The following TSPAN8 variants were observed in gnomAD, a reference collection of about 807,000 sequenced individuals.
The protein encoded by TSPAN8 is tetraspanin 8.
TSPAN8 carries 21 observed loss-of-function variants against 32.8 expected under a neutral mutation model. That is an observed-to-expected ratio of 0.64 (90% CI 0.45 to 0.92). The LOEUF (loss-of-function observed/expected upper bound fraction) is 0.92. TSPAN8 is among the 40% of genes least tolerant of loss of function. The probability of loss-of-function intolerance (pLI) is 0.00; values close to 1 mark genes in which losing one functional copy is unlikely to be tolerated. For synonymous variants in TSPAN8, 95 were observed against 94.6 expected, an observed-to-expected ratio of 1.00 and a Z score of -0.03; for missense variants, 269 against 281.9, an observed-to-expected ratio of 0.95 and a Z score of 0.33.
chr12:71,153,958 A>C (rs1046356756), intron 2 of TSPAN8, among the ~76,000 whole-genome samples: 1 of 152,166 alleles, frequency 6.6e-6, no homozygotes, highest in African/African-American at 2.4e-5. Context: ...AAACTACAGC[A>C]TCAGAAAGAC....
rs1565791740 is a variant in TSPAN8 at position 71,157,689 on chromosome 12, G to C, written c.-11C>G. 6.2e-7 allele frequency: 1 copy of C among 1,610,640 alleles called. No homozygotes were observed. The highest frequency in any genetic ancestry group is 1.7e-5 in the Admixed American group (1 of 60,002). ...ACTCACACCTGCCATTTCGGAAAAGGATTAGGAATCCAGATGCCGTGAATT... is the reference window on the plus strand; with the variant it reads ...ACTCACACCTGCCATTTCGGAAAAGCATTAGGAATCCAGATGCCGTGAATT... On this transcript the variant is annotated 5_prime_UTR_variant, in exon 2 of 9. In the 5' UTR this introduces an upstream ATG that the reference lacks. Transcript: ENST00000247829.
At position 71,157,669 on chromosome 12, in the gene TSPAN8, C is replaced by A; in HGVS notation, c.10G>T (p.Val4Leu). ...ATAGAATATTTTATACAGGCACTCA[C>A]ACCTGCCATTTCGGAAAAGGATTAG... MAGVSACIKYSMFT... is the reference protein window; with the variant it reads MAGLSACIKYSMFT... Residue 4 changes from valine to leucine, a missense_variant, in exon 2 of 9, where the codon GTG becomes TTG. Physicochemically the swap from Val to Leu is conservative, Grantham distance 32. Coordinates refer to ENST00000247829, the MANE Select transcript of TSPAN8 (RefSeq NM_004616.3). The A allele has an allele frequency of 1.2e-6, 2 of 1,613,572 alleles. No individual in the cohort carries two copies. The highest frequency in any genetic ancestry group is 1.7e-6 in the Non-Finnish European group (2 of 1,179,538).
At chr12:71,155,771 G>A (rs934597462) in intron 2 of TSPAN8, among the ~76,000 whole-genome samples, 1 of 150,528 alleles carries the variant, frequency 6.6e-6, no homozygotes, top group East Asian at 2.0e-4. Flanking sequence ...TCACTCTGTC[G>A]CCCAGGCTGG....
intron 3 of TSPAN8, among the ~76,000 whole-genome samples, chr12:71,143,505 G>A (rs1464613558): frequency 6.6e-6 from 1 of 152,190 alleles, no homozygotes; most frequent in African/African-American, 2.4e-5. Context: ...GGAATGGTGT[G>A]TGGGGGAGGA....
intron 7 of TSPAN8, among the ~76,000 whole-genome samples, chr12:71,130,561 G>C (rs1028499815): frequency 6.6e-6 from 1 of 152,086 alleles, no homozygotes; most frequent in Non-Finnish European, 1.5e-5. Context: ...TCCCTTTGAT[G>C]GTCATATATG....
intron 7 of TSPAN8, among the ~76,000 whole-genome samples, chr12:71,131,235 G>C (rs1871509785): frequency 6.6e-6 from 1 of 152,072 alleles, no homozygotes; most frequent in South Asian, 2.1e-4. Flanking sequence ...GAGGGGAGCA[G>C]GGAGAATATA....
At chr12:71,127,792 T>G (rs1033311916) in intron 8 of TSPAN8, among the ~76,000 whole-genome samples, 1 of 152,182 alleles carries the variant, frequency 6.6e-6, no homozygotes, top group Admixed American at 6.5e-5. Flanking sequence ...CAATCAAGTA[T>G]GTCCTTACTT....
At chr12:71,138,823 C>CT (rs1463266278) in intron 4 of TSPAN8, among the ~76,000 whole-genome samples, 4 of 152,134 alleles carry the variant, frequency 2.6e-5, no homozygotes, top group Non-Finnish European at 4.4e-5. Context: ...CTTTAAAACT[C>CT]TGTCTCTACC....
At chr12:71,154,354 A>AATCATC (rs1555196435) in intron 2 of TSPAN8, among the ~76,000 whole-genome samples, 48 of 145,348 alleles carry the variant, frequency 3.3e-4, no homozygotes, top group African/African-American at 1.2e-3. Context: ...TAATAATAAT[A>AATCATC]ATCAGAGCTC....
intron 8 of TSPAN8, among the ~76,000 whole-genome samples, chr12:71,128,658 A>T (rs546378855): frequency 2.1e-3 from 299 of 142,456 alleles, no homozygotes; most frequent in African/African-American, 3.1e-3. Context: ...TTTTTTTTAA[A>T]AAAAAAACAT....
At chr12:71,129,249 TG>T in intron 8 of TSPAN8, 81 bp downstream of exon 8, 1 of 1,363,784 alleles carries the variant, frequency 7.3e-7, no homozygotes, top group South Asian at 1.4e-5. Context: ...TTTTTCTGTT[TG>T]TTTGTTCACC....
chr12:71,138,256 A>T (rs764278051), intron 4 of TSPAN8, 26 bp from the exon 5 acceptor site: 2 of 1,607,410 alleles, frequency 1.2e-6, no homozygotes, highest in Non-Finnish European at 1.7e-6. Context: ...AGAAATATAC[A>T]TTATCCTCAG....
At chr12:71,156,902 T>C (rs1872461772) in intron 2 of TSPAN8, 1 of 152,228 alleles carries the variant, frequency 6.6e-6, no homozygotes, top group Non-Finnish European at 1.5e-5. Context: ...TTTCATACCT[T>C]GTTTTTCCAT....
chr12:71,147,476 G>T (rs1872112983), intron 2 of TSPAN8, among the ~76,000 whole-genome samples: 1 of 152,044 alleles, frequency 6.6e-6, no homozygotes, highest in Non-Finnish European at 1.5e-5. Flanking sequence ...GCTCCTGAGA[G>T]GATAAAAAAG....
intron 8 of TSPAN8, among the ~76,000 whole-genome samples, chr12:71,128,690 A>G (rs1325707358): frequency 6.6e-6 from 1 of 151,804 alleles, no homozygotes; most frequent in Non-Finnish European, 1.5e-5. Flanking sequence ...TCATCAAGAC[A>G]AAAATCCTAT....
intron 2 of TSPAN8, among the ~76,000 whole-genome samples, chr12:71,144,676 G>C (rs1872016404): frequency 6.6e-6 from 1 of 152,110 alleles, no homozygotes; most frequent in Non-Finnish European, 1.5e-5. Flanking sequence ...GGGAGATGTT[G>C]GGATAGAGGG....
chr12:71,144,127 G>T, intron 3 of TSPAN8, 24 bp downstream of exon 3: 1 of 1,599,948 alleles, frequency 6.3e-7, no homozygotes, highest in Non-Finnish European at 8.5e-7. Context: ...TTGGGGAAAG[G>T]GTGACTTGTT....
In TSPAN8 at chr12:71,139,722, T is replaced by A. The variant is rs375610599; in HGVS notation, c.250A>T (p.Met84Leu). 6.2e-7 allele frequency: 1 copy of A among 1,613,738 alleles called. No homozygotes were observed. The highest frequency in any genetic ancestry group is 8.5e-7 in the Non-Finnish European group (1 of 1,179,768). Residue 84 changes from methionine (M) to leucine (L), a missense_variant, in exon 4 of 9, where the codon ATG becomes TTG. Physicochemically the swap from Met to Leu is conservative, Grantham distance 15. Transcript: ENST00000247829. ...CCGAIKESRCMLLLFFIGLLL... is the reference protein window; with the variant it reads ...CCGAIKESRCLLLLFFIGLLL... ...TTTGGAGAACTCACCAACAGAAGCA[T>A]GCAGCGACTTTCTTTTATAGCACCG...
At chr12:71,155,350 C>T (rs1872393295) in intron 2 of TSPAN8, among the ~76,000 whole-genome samples, 1 of 152,050 alleles carries the variant, frequency 6.6e-6, no homozygotes, top group African/African-American at 2.4e-5. Context: ...TACAAAATCA[C>T]TTATGATTGT....
Sources: allele counts gnomAD v4.1 joint callset (sites outside exome capture counted in the v4.1 genomes callset), GRCh38; gene constraint gnomAD v4.1.1; transcripts MANE v1.5; gene names NCBI Gene and HGNC (gene_info 2026-07-23, HGNC 2026-07-21).